Variants in AKAIN1 observed in about 807,000 individuals in gnomAD.
AKAIN1 encodes the protein A-kinase anchor inhibitor 1.
A neutral mutation model predicts 3.7 loss-of-function variants in AKAIN1; 3 were observed. The ratio of observed to expected loss-of-function variants is 0.82; its 90% CI spans 0.37 to 2.12. The LOEUF (loss-of-function observed/expected upper bound fraction) is 2.12, where lower values mean the gene tolerates loss of function less well. Among genes scored for constraint, AKAIN1 ranks in the 30% most tolerant of loss-of-function variants. The pLI, the probability that AKAIN1 is intolerant of heterozygous loss-of-function variation, is 0.06. For missense variants in AKAIN1, 82 were observed against 82.7 expected, an observed-to-expected ratio of 0.99 and a Z score of 0.03; for synonymous variants, 31 against 30.8, an observed-to-expected ratio of 1.01 and a Z score of -0.02.
chr18:5,177,079 A>G (rs1280750142), intron 1 of AKAIN1, among the ~76,000 whole-genome samples: 1 of 152,166 alleles, frequency 6.6e-6, no homozygotes, highest in Non-Finnish European at 1.5e-5. Flanking sequence ...TAGTGGGCTC[A>G]GTAAGATTGC....
At chr18:5,180,823 A>G (rs1457396004) in intron 1 of AKAIN1, among the ~76,000 whole-genome samples, 2 of 152,144 alleles carry the variant, frequency 1.3e-5, no homozygotes, top group Non-Finnish European at 2.9e-5. Flanking sequence ...AATAAATTCC[A>G]TGGAGATAAA....
At chr18:5,196,996 T>G in intron 1 of AKAIN1, 42 bp downstream of exon 1, 1 of 1,509,692 alleles carries the variant, frequency 6.6e-7, no homozygotes, top group South Asian at 1.2e-5. Context: ...TCTACCCTGC[T>G]CCCCTCCTAG....
chr18:5,197,303 T>A, upstream of AKAIN1: 1 of 1,350,486 alleles, frequency 7.4e-7, no homozygotes, highest in Non-Finnish European at 9.5e-7. This position sits in a 1 kb window ranked among gnomAD's most constrained non-coding sequence, Gnocchi z 6.9. Context: ...CCCCGCTCAG[T>A]CCATCCCTCA....
upstream of AKAIN1, chr18:5,197,285 G>A (rs938996467): frequency 1.2e-5 from 17 of 1,371,782 alleles, no homozygotes; most frequent in African/African-American, 2.3e-4. The surrounding 1 kb of genome is among the most constrained non-coding windows in gnomAD (Gnocchi z 6.9). Flanking sequence ...GGGAGGAGGA[G>A]GGTGAATCCC....
chr18:5,172,620 G>T (rs980387888), intron 1 of AKAIN1, among the ~76,000 whole-genome samples: 1 of 151,714 alleles, frequency 6.6e-6, no homozygotes, highest in Non-Finnish European at 1.5e-5. Context: ...TTTACCAAAG[G>T]CTAAATGATT....
At chr18:5,193,829 C>T (rs1239808208) in intron 1 of AKAIN1, among the ~76,000 whole-genome samples, 2 of 152,172 alleles carry the variant, frequency 1.3e-5, no homozygotes, top group Non-Finnish European at 2.9e-5. Flanking sequence ...TAAGATATTG[C>T]TATAGCCACA....
chr18:5,179,549 G>C lies in AKAIN1; in HGVS notation c.16+17489C>G, dbSNP rs570583627. On this transcript the variant is annotated intron_variant, in intron 1 of 1. Transcript: ENST00000434239. Reference sequence around the variant, plus strand: ...GTGCTGCAATAAACATATGAATGCAGGTATCTTTTTGTTATAATGATTTAT... The same window carrying C: ...GTGCTGCAATAAACATATGAATGCACGTATCTTTTTGTTATAATGATTTAT... 2.0e-5 allele frequency among the ~76,000 whole-genome samples: 3 copies of C among 152,152 alleles called. No homozygotes were observed. The South Asian group carries it at 6.2e-4, about 32-fold the overall frequency.
In AKAIN1 at chr18:5,145,435, T is replaced by C. The variant is rs1013117155; in HGVS notation, c.*127A>G. On this transcript the variant is annotated 3_prime_UTR_variant, in exon 2 of 2. Transcript: ENST00000434239. ...AGTGCTTCTCAGCCAGGGGCTAGTGTGAATTCATTCTACAGCTAGGTGCCG... is the reference window on the plus strand; with the variant it reads ...AGTGCTTCTCAGCCAGGGGCTAGTGCGAATTCATTCTACAGCTAGGTGCCG... The C allele has an allele frequency of 1.8e-5, 13 of 707,388 alleles. No homozygotes were observed. Among genetic ancestry groups the C allele is most frequent in the Admixed American group, 1.7e-4 (6 of 35,872 alleles). 43.8% of individuals were successfully genotyped at this position (707,388 alleles called of 1,614,324 possible).
chr18:5,157,747 A>G (rs2071116422), intron 1 of AKAIN1, among the ~76,000 whole-genome samples: 1 of 152,148 alleles, frequency 6.6e-6, no homozygotes, highest in African/African-American at 2.4e-5. Flanking sequence ...TCTGTCACCG[A>G]GGCTGGAGTG....
intron 1 of AKAIN1, among the ~76,000 whole-genome samples, chr18:5,164,653 G>A (rs2071157747): frequency 6.6e-6 from 1 of 151,972 alleles, no homozygotes; most frequent in Admixed American, 6.6e-5. Flanking sequence ...TCCCCCTATG[G>A]TCATGGGAGA....
At chr18:5,164,345 G>A (rs529844793) in intron 1 of AKAIN1, among the ~76,000 whole-genome samples, 15 of 152,164 alleles carry the variant, frequency 9.9e-5, no homozygotes, top group African/African-American at 3.4e-4. Context: ...TTCATTTCTT[G>A]TGACTTGGGG....
chr18:5,159,905 T>C (rs996805029), intron 1 of AKAIN1, among the ~76,000 whole-genome samples: 2 of 152,232 alleles, frequency 1.3e-5, no homozygotes, highest in African/African-American at 4.8e-5. Context: ...TTTAATATTT[T>C]GTCACAAATT....
At chr18:5,150,023 T>C (rs1204325990) in intron 1 of AKAIN1, among the ~76,000 whole-genome samples, 1 of 152,180 alleles carries the variant, frequency 6.6e-6, no homozygotes, top group African/African-American at 2.4e-5. Context: ...TAACAAGGTT[T>C]ATTCTGGCCC....
chr18:5,149,617 C>T lies in AKAIN1; in HGVS notation c.17-3862G>A, dbSNP rs557794560. Among the ~76,000 whole-genome samples the T allele has an allele frequency of 2.6e-5, 4 of 152,296 alleles. No homozygotes were observed. The South Asian group carries it at 8.3e-4, about 32-fold the overall frequency. Reference sequence around the variant, plus strand: ...GAGTCTCTCTGACTTTATGCATTCACTCATTCTTATTTCTGCATATTCACG... The same window carrying T: ...GAGTCTCTCTGACTTTATGCATTCATTCATTCTTATTTCTGCATATTCACG... On this transcript the variant is annotated intron_variant, in intron 1 of 1. Coordinates refer to ENST00000434239, the MANE Select transcript of AKAIN1 (RefSeq NM_001145194.2).
chr18:5,148,767 G>C (rs186963156), intron 1 of AKAIN1, among the ~76,000 whole-genome samples: 112 of 152,176 alleles, frequency 7.4e-4, no homozygotes, highest in African/African-American at 2.6e-3. Context: ...TGAGGTGCAA[G>C]AATCGCTTGA....
chr18:5,165,961 T>G (rs1042006602), intron 1 of AKAIN1, among the ~76,000 whole-genome samples: 1 of 152,028 alleles, frequency 6.6e-6, no homozygotes. Context: ...AACAATTCAC[T>G]TGTCATGTCT....
At chr18:5,146,822 A>T (rs1371356344) in intron 1 of AKAIN1, among the ~76,000 whole-genome samples, 1 of 152,196 alleles carries the variant, frequency 6.6e-6, no homozygotes. Context: ...TTCATTCAAT[A>T]AAACTTTATT....
At chr18:5,173,217 T>C (rs2071207396) in intron 1 of AKAIN1, among the ~76,000 whole-genome samples, 1 of 152,224 alleles carries the variant, frequency 6.6e-6, no homozygotes, top group Non-Finnish European at 1.5e-5. Context: ...ACACAATTGC[T>C]GAAAGCTTTT....
intron 1 of AKAIN1, among the ~76,000 whole-genome samples, chr18:5,176,271 T>C (rs909047910): frequency 1.3e-5 from 2 of 152,100 alleles, no homozygotes; most frequent in Non-Finnish European, 2.9e-5. Context: ...AAACCCCATC[T>C]CTACTAAAAA....
Sources: gnomAD v4.1 joint callset for allele counts (sites outside exome capture counted in the v4.1 genomes callset) on GRCh38, gnomAD v4.1.1 for gene constraint, Gnocchi (gnomAD v3.1) non-coding constraint, MANE v1.5 for transcripts, NCBI Gene and HGNC (gene_info 2026-07-23, HGNC 2026-07-21) for gene names.